Variants in MDGA2 observed in about 807,000 individuals in gnomAD.
The protein encoded by MDGA2 is MAM domain containing glycosylphosphatidylinositol anchor 2.
In MDGA2, 40 loss-of-function variants were observed where a neutral mutation model predicts 117.8. The ratio of observed to expected loss-of-function variants is 0.34; its 90% CI spans 0.26 to 0.44. MDGA2 has a LOEUF of 0.44. Ranked by LOEUF, MDGA2 falls within the 20% of genes least tolerant of loss-of-function variation. MDGA2 has a pLI of 1.00. For synonymous variants in MDGA2, 452 were observed against 439.0 expected, an observed-to-expected ratio of 1.03 and a Z score of -0.37; for missense variants, 1,123 against 1,250.6, an observed-to-expected ratio of 0.90 and a Z score of 1.54.
chr14:47,349,958 A>T (rs994267242), intron 1 of MDGA2, among the ~76,000 whole-genome samples: 1 of 152,214 alleles, frequency 6.6e-6, no homozygotes, highest in South Asian at 2.1e-4. Flanking sequence ...CATCAGATAC[A>T]TCCATTTCTC....
intron 6 of MDGA2, among the ~76,000 whole-genome samples, chr14:47,092,203 T>A (rs1330527935): frequency 2.0e-5 from 3 of 152,166 alleles, no homozygotes; most frequent in Non-Finnish European, 4.4e-5. Context: ...AGGATCTGAT[T>A]AAAAGTATAT....
intron 2 of MDGA2, among the ~76,000 whole-genome samples, chr14:47,236,431 T>C (rs898335956): frequency 7.2e-5 from 11 of 151,772 alleles, no homozygotes; most frequent in African/African-American, 2.4e-4. Context: ...AGGAAAGTCA[T>C]GAGAGGTAAC....
At chr14:47,174,606 C>A (rs1594695114) in intron 3 of MDGA2, among the ~76,000 whole-genome samples, 2 of 152,134 alleles carry the variant, frequency 1.3e-5, no homozygotes, top group South Asian at 4.2e-4. Context: ...CAAATAAGAA[C>A]AAAGACACAA....
chr14:47,474,486 T>C (rs1893794734), intron 1 of MDGA2, among the ~76,000 whole-genome samples: 1 of 151,986 alleles, frequency 6.6e-6, no homozygotes, highest in African/African-American at 2.4e-5. Context: ...AAAAAGCTAA[T>C]TTAAAATATA....
intron 6 of MDGA2, among the ~76,000 whole-genome samples, chr14:47,094,527 T>C (rs1879852118): frequency 2.0e-5 from 3 of 152,046 alleles, no homozygotes; most frequent in South Asian, 2.1e-4. Flanking sequence ...GGATTCAATA[T>C]AGTTGCAAAT....
chr14:47,006,555 A>G (rs1248601070), intron 8 of MDGA2, among the ~76,000 whole-genome samples: 1 of 150,902 alleles, frequency 6.6e-6, no homozygotes, highest in African/African-American at 2.4e-5. Flanking sequence ...CTATTATATC[A>G]TATCAGATAA....
intron 1 of MDGA2, among the ~76,000 whole-genome samples, chr14:47,434,459 AG>A (rs1892859084): frequency 1.3e-5 from 2 of 152,118 alleles, no homozygotes; most frequent in South Asian, 4.1e-4. Flanking sequence ...GTGACTTTTC[AG>A]TTGGAAAGCT....
intron 5 of MDGA2, among the ~76,000 whole-genome samples, chr14:47,119,625 T>A (rs562788340): frequency 3.3e-5 from 5 of 152,306 alleles, no homozygotes; most frequent in Non-Finnish European, 5.9e-5. Flanking sequence ...ACGGCTTTCT[T>A]CACATTGAAC....
At chr14:47,377,667 G>T (rs1381805368) in intron 1 of MDGA2, among the ~76,000 whole-genome samples, 1 of 152,124 alleles carries the variant, frequency 6.6e-6, no homozygotes, top group African/African-American at 2.4e-5. Flanking sequence ...GCTGGGAGAG[G>T]GGCATCTGTC....
At chr14:47,556,694 C>A (rs1895689170) in intron 1 of MDGA2, among the ~76,000 whole-genome samples, 2 of 152,146 alleles carry the variant, frequency 1.3e-5, no homozygotes, top group Non-Finnish European at 2.9e-5. Context: ...GTAAAATTAT[C>A]TGAGTTTAAA....
chr14:46,995,160 A>G lies in MDGA2; in HGVS notation c.1820-37517T>C, dbSNP rs181924026. On this transcript the variant is annotated intron_variant, in intron 8 of 16. Coordinates refer to ENST00000399232, the MANE Select transcript of MDGA2 (RefSeq NM_001113498.3). ...GGCATCAAAAAACAATTTAAGTAAAACAAAACAAAAATTATTTCTATTTAC... is the reference window on the plus strand; with the variant it reads ...GGCATCAAAAAACAATTTAAGTAAAGCAAAACAAAAATTATTTCTATTTAC... Among the ~76,000 whole-genome samples the G allele has an allele frequency of 6.5e-3, 996 of 152,272 alleles. 11 individuals are homozygous for G. The highest frequency in any genetic ancestry group is 0.023 in the African/African-American group (957 of 41,570).
chr14:47,111,538 T>G (rs1881035036), intron 5 of MDGA2, among the ~76,000 whole-genome samples: 1 of 152,168 alleles, frequency 6.6e-6, no homozygotes, highest in African/African-American at 2.4e-5. Context: ...GTGAACCACA[T>G]AAGTCATAAT....
chr14:47,143,509 C>T (rs1419641480), intron 4 of MDGA2, among the ~76,000 whole-genome samples: 1 of 152,086 alleles, frequency 6.6e-6, no homozygotes. Flanking sequence ...ATTACGCTCA[C>T]TTTATGTAAA....
chr14:47,122,315 C>T (rs1469477060), intron 5 of MDGA2, among the ~76,000 whole-genome samples: 3 of 152,034 alleles, frequency 2.0e-5, no homozygotes, highest in African/African-American at 7.2e-5. Context: ...TTTAAGGCTC[C>T]ATATGCACCA....
At chr14:47,003,009 C>T (rs1439202106) in intron 8 of MDGA2, among the ~76,000 whole-genome samples, 1 of 152,106 alleles carries the variant, frequency 6.6e-6, no homozygotes, top group East Asian at 1.9e-4. Flanking sequence ...ATCCTTCCTC[C>T]TCACCTTGTC....
intron 3 of MDGA2, among the ~76,000 whole-genome samples, chr14:47,172,003 A>C (rs184351921): frequency 6.6e-6 from 1 of 152,186 alleles, no homozygotes; most frequent in Non-Finnish European, 1.5e-5. Flanking sequence ...TATCCCGCAC[A>C]TGGCTCACAG....
At chr14:47,557,487 A>AAAAGACC (rs1430991007) in intron 1 of MDGA2, among the ~76,000 whole-genome samples, 1 of 152,158 alleles carries the variant, frequency 6.6e-6, no homozygotes, top group Non-Finnish European at 1.5e-5. Flanking sequence ...CAATTGTGAG[A>AAAAGACC]AAAGACCCTT....
rs531389286 is a variant in MDGA2 at position 47,254,388 on chromosome 14, A to G, written c.421-36193T>C. On this transcript the variant is annotated intron_variant, in intron 2 of 16. Coordinates refer to ENST00000399232, the MANE Select transcript of MDGA2 (RefSeq NM_001113498.3). ...AGATACCCTAAATCATCTCACTCAC[A>G]CTCAAAGTTTCACAGATCTCTAGGG... 2.2e-4 allele frequency among the ~76,000 whole-genome samples: 34 copies of G among 152,174 alleles called. No individual in the cohort carries two copies. The South Asian group carries it at 6.6e-3, about 30-fold the overall frequency.
chr14:47,671,949 G>C (rs1898083050), intron 1 of MDGA2, among the ~76,000 whole-genome samples: 1 of 152,102 alleles, frequency 6.6e-6, no homozygotes, highest in Non-Finnish European at 1.5e-5. Flanking sequence ...GAAACTGTAA[G>C]CCTATGTTAG....
Sources: allele counts gnomAD v4.1 joint callset (sites outside exome capture counted in the v4.1 genomes callset), GRCh38; gene constraint gnomAD v4.1.1; transcripts MANE v1.5; gene names NCBI Gene and HGNC (gene_info 2026-07-23, HGNC 2026-07-21).